Variants in IFT57 observed in about 807,000 individuals in gnomAD.
IFT57 encodes intraflagellar transport 57.
A neutral mutation model predicts 56.8 loss-of-function variants in IFT57; 59 were observed. That is an observed-to-expected ratio of 1.04 (90% CI 0.84 to 1.29). IFT57 has a LOEUF of 1.29. Among genes scored for constraint, IFT57 ranks in the 50% most tolerant of loss-of-function variants. The pLI is 0.00. For missense variants in IFT57, 470 were observed against 522.1 expected (o/e 0.90, Z 0.97); for synonymous variants, 209 against 186.1 (o/e 1.12, Z -1.00).
chr3:108,172,164 A>G (rs1399810566), intron 6 of IFT57, among the ~76,000 whole-genome samples: 1 of 151,848 alleles, frequency 6.6e-6, no homozygotes, highest in Admixed American at 6.6e-5. Context: ...AGGGGCTGGT[A>G]TTTCTGTGGA....
At chr3:108,199,404 G>T (rs1366081354) in intron 5 of IFT57, among the ~76,000 whole-genome samples, 2 of 152,176 alleles carry the variant, frequency 1.3e-5, no homozygotes, top group Non-Finnish European at 2.9e-5. Flanking sequence ...AAAGAGACAA[G>T]CCAAGTGTTT....
In IFT57 at chr3:108,222,377, A is replaced by AGCCGCCAGCCCTGCC; in HGVS notation, c.-70_-56dup. On this transcript the variant is annotated 5_prime_UTR_variant, in exon 1 of 11. Coordinates refer to ENST00000264538, the MANE Select transcript of IFT57 (RefSeq NM_018010.4). ...CAGGCCCACAGACCTCTGCGGCCTA[A>AGCCGCCAGCCCTGCC]GCCGCCAGCCCTGCCGCCGCCAGTA... 4 of 1,507,602 alleles carry AGCCGCCAGCCCTGCC rather than the reference A, an allele frequency of 2.7e-6. No homozygotes were observed. Among genetic ancestry groups the AGCCGCCAGCCCTGCC allele is most frequent in the Non-Finnish European group, 3.5e-6 (4 of 1,128,078 alleles). The allele number at this position is 1,507,602 out of a possible 1,614,324, so 93.4% of individuals were successfully genotyped here.
Position 108,222,312 on chromosome 3 carries a change from G to A in IFT57, c.11C>T (p.Ala4Val), listed in dbSNP as rs2107226026. 1 of 1,611,396 alleles carries A rather than the reference G, an allele frequency of 6.2e-7. No homozygotes were observed. The highest frequency in any genetic ancestry group is 2.2e-5 in the East Asian group (1 of 44,866). Reference protein sequence around the residue: MTAALAVVTTSGLE... With the variant: MTAVLAVVTTSGLE... ...ACCCGACGTCGTGACGACGGCCAGA[G>A]CAGCAGTCATCGCAGAACGGACAGA... The change falls in exon 1 of 11, where the codon GCT (alanine) becomes GTT (valine). Residue 4 changes from alanine (A) to valine (V), a missense_variant. Coordinates refer to ENST00000264538, the MANE Select transcript of IFT57 (RefSeq NM_018010.4).
At chr3:108,212,427 G>A (rs2080347341) in intron 4 of IFT57, among the ~76,000 whole-genome samples, 1 of 151,896 alleles carries the variant, frequency 6.6e-6, no homozygotes, top group Admixed American at 6.6e-5. Context: ...TCTGTCTCTG[G>A]TCCTTCTCCC....
Position 108,214,131 on chromosome 3 carries a change from C to T in IFT57, c.495-110G>A, listed in dbSNP as rs559948788. 129 of 593,232 alleles carry T rather than the reference C, an allele frequency of 2.2e-4. 2 individuals are homozygous for T. The South Asian group carries it at 2.4e-3, about 11-fold the overall frequency. The allele number at this position is 593,232 out of a possible 1,614,324, so 36.7% of individuals were successfully genotyped here. ...TGCCAGGTTTTGTCCTTTTTCATTC[C>T]GCTTCCATAATCACTGTTAAATGTT... is the stretch of plus-strand genomic sequence containing the variant. On this transcript the variant is annotated intron_variant, in intron 3 of 10. Coordinates refer to ENST00000264538, the MANE Select transcript of IFT57 (RefSeq NM_018010.4).
chr3:108,191,578 G>A lies in IFT57; in HGVS notation c.720C>T (p.Ser240=). 1 of 1,607,968 alleles carries A rather than the reference G, an allele frequency of 6.2e-7. No individual in the cohort carries two copies. The highest frequency in any genetic ancestry group is 1.7e-5 in the Admixed American group (1 of 59,804). Residue 240 remains serine, a synonymous_variant, in exon 6 of 11, where the codon AGC becomes AGT. Coordinates refer to ENST00000264538, the MANE Select transcript of IFT57 (RefSeq NM_018010.4). ...LESTTDAAEW[S]LEVERVLPQL... ...GCGGTAGTACACGTTCCACTTCTAG[G>A]CTCCATTCTGCAGCATCTGTTGTGG...
At chr3:108,217,307 C>A (rs1226982931) in intron 3 of IFT57, among the ~76,000 whole-genome samples, 1 of 151,938 alleles carries the variant, frequency 6.6e-6, no homozygotes, top group Non-Finnish European at 1.5e-5. Flanking sequence ...AAAGGAAGTG[C>A]AAAATAGAAT....
chr3:108,173,242 C>T (rs2080104048), intron 6 of IFT57, among the ~76,000 whole-genome samples: 1 of 150,624 alleles, frequency 6.6e-6, no homozygotes, highest in South Asian at 2.1e-4. Context: ...TTTGGGGATA[C>T]AAACATATGC....
intron 5 of IFT57, among the ~76,000 whole-genome samples, chr3:108,203,379 T>G (rs1441169719): frequency 6.6e-6 from 1 of 152,224 alleles, no homozygotes; most frequent in Non-Finnish European, 1.5e-5. Flanking sequence ...TCATTTGCAT[T>G]CTCACTTCAT....
intron 4 of IFT57, among the ~76,000 whole-genome samples, chr3:108,207,513 C>G (rs555599225): frequency 3.2e-4 from 48 of 152,246 alleles, no homozygotes; most frequent in Middle Eastern, 3.4e-3. Context: ...GCCAATGGAA[C>G]TGGGTCCTCA....
At chr3:108,189,564 C>T (rs925217684) in intron 6 of IFT57, among the ~76,000 whole-genome samples, 1 of 152,038 alleles carries the variant, frequency 6.6e-6, no homozygotes, top group Non-Finnish European at 1.5e-5. Context: ...TATGTACAAC[C>T]TCCTCCAAGG....
At chr3:108,221,806 A>G (rs1157538989) in intron 1 of IFT57, among the ~76,000 whole-genome samples, 1 of 152,130 alleles carries the variant, frequency 6.6e-6, no homozygotes, top group Non-Finnish European at 1.5e-5. Context: ...TCATCTTTAC[A>G]ATCAGAAAAT....
intron 5 of IFT57, among the ~76,000 whole-genome samples, chr3:108,199,968 A>C (rs2080268712): frequency 6.6e-6 from 1 of 152,236 alleles, no homozygotes. Flanking sequence ...TATGCTCACA[A>C]GGTGTTTGAA....
intron 6 of IFT57, among the ~76,000 whole-genome samples, chr3:108,175,993 C>A (rs723272): frequency 0.092 from 13,929 of 151,612 alleles, 708 homozygotes; most frequent in Middle Eastern, 0.12. Flanking sequence ...CTTCTCCCTG[C>A]AAAAAAGCAA....
chr3:108,204,097 G>A (rs1356505814), intron 5 of IFT57, among the ~76,000 whole-genome samples: 2 of 152,128 alleles, frequency 1.3e-5, no homozygotes, highest in African/African-American at 2.4e-5. Flanking sequence ...TTTGTCTTGG[G>A]GAAAGAGCAG....
intron 5 of IFT57, among the ~76,000 whole-genome samples, chr3:108,201,779 AT>A (rs945415515): frequency 2.0e-4 from 30 of 152,208 alleles, no homozygotes; most frequent in African/African-American, 7.2e-4. Context: ...AAATTAAAGT[AT>A]TTAAGATATT....
chr3:108,180,498 G>C (rs2080146070), intron 6 of IFT57, among the ~76,000 whole-genome samples: 1 of 151,876 alleles, frequency 6.6e-6, no homozygotes, highest in South Asian at 2.1e-4. Flanking sequence ...CCACCTTCAG[G>C]AATGTATGAA....
intron 5 of IFT57, among the ~76,000 whole-genome samples, chr3:108,195,341 A>G (rs527701729): frequency 6.7e-6 from 1 of 149,744 alleles, no homozygotes; most frequent in South Asian, 2.2e-4. Flanking sequence ...TGGCAAGGAT[A>G]TGGAGAAAGG....
chr3:108,222,012 G>A (rs535199847), intron 1 of IFT57, 99 bp downstream of exon 1: 1 of 1,513,346 alleles, frequency 6.6e-7, no homozygotes, highest in East Asian at 2.5e-5. Flanking sequence ...GCAAGGAATT[G>A]CTAACCCGCT....
Sources: gnomAD v4.1 joint callset for allele counts (sites outside exome capture counted in the v4.1 genomes callset) on GRCh38, gnomAD v4.1.1 for gene constraint, MANE v1.5 for transcripts, NCBI Gene and HGNC (gene_info 2026-07-23, HGNC 2026-07-21) for gene names.